SORCS1: variants seen among roughly 807,000 people sequenced by gnomAD.
The protein encoded by SORCS1 is VPS10 domain-containing receptor SorCS1.
SORCS1 carries 60 observed loss-of-function variants against 146.1 expected under a neutral mutation model. The observed-to-expected ratio is 0.41, with a 90% CI of 0.33 to 0.51. The LOEUF (loss-of-function observed/expected upper bound fraction) is 0.51, where lower values mean the gene tolerates loss of function less well. SORCS1 is among the 20% of genes least tolerant of loss of function. The pLI, the probability that SORCS1 is intolerant of heterozygous loss-of-function variation, is 0.21. For missense variants in SORCS1, 1,352 were observed against 1,487.6 expected (o/e 0.91, Z 1.50); for synonymous variants, 637 against 584.0 (o/e 1.09, Z -1.31).
At chr10:107,145,223 T>A (rs1968217281) in intron 1 of SORCS1, among the ~76,000 whole-genome samples, 1 of 152,212 alleles carries the variant, frequency 6.6e-6, no homozygotes, top group Non-Finnish European at 1.5e-5. Context: ...ATATTTGGCA[T>A]TTCCTGATGG....
intron 1 of SORCS1, among the ~76,000 whole-genome samples, chr10:107,066,425 C>T (rs913459462): frequency 2.6e-5 from 4 of 152,092 alleles, no homozygotes; most frequent in Admixed American, 2.6e-4. Flanking sequence ...GTTATGCAAG[C>T]CGAAAGGAAA....
intron 1 of SORCS1, among the ~76,000 whole-genome samples, chr10:107,137,825 G>T (rs1233081036): frequency 5.4e-5 from 8 of 148,412 alleles, no homozygotes; most frequent in Non-Finnish European, 8.9e-5. Context: ...TCATGCCATT[G>T]CACTCCAGCC....
chr10:106,635,847 G>A (rs892267591), intron 18 of SORCS1, among the ~76,000 whole-genome samples: 2 of 152,110 alleles, frequency 1.3e-5, no homozygotes, highest in East Asian at 3.9e-4. Context: ...GTGACAGAAA[G>A]GAAATCAGAT....
intron 2 of SORCS1, among the ~76,000 whole-genome samples, chr10:106,920,154 G>A (rs1172905952): frequency 6.6e-6 from 1 of 152,146 alleles, no homozygotes; most frequent in African/African-American, 2.4e-5. Context: ...TGACCCCAAT[G>A]AAGAGAAATG....
chr10:106,629,223 C>G lies in SORCS1; in HGVS notation c.2641G>C (p.Val881Leu). The G allele has an allele frequency of 6.2e-7, 1 of 1,613,842 alleles. No homozygotes were observed. The highest frequency in any genetic ancestry group is 8.5e-7 in the Non-Finnish European group (1 of 1,179,892). ...VDNSLGSDSAVLYLHVTCPLE... is the reference protein window; with the variant it reads ...VDNSLGSDSALLYLHVTCPLE... ...ATACAAGTTACATGTAAGTACAGGA[C>G]GGCGCTGTCAGAACCCAGACTGTTG... Residue 881 changes from valine to leucine, a missense_variant, in exon 19 of 26, where the codon GTC (valine) becomes CTC (leucine). Physicochemically the swap from Val to Leu is conservative, Grantham distance 32. Coordinates refer to ENST00000263054, the MANE Select transcript of SORCS1 (RefSeq NM_052918.5).
intron 5 of SORCS1, among the ~76,000 whole-genome samples, chr10:106,758,307 T>C (rs1858815253): frequency 6.6e-6 from 1 of 152,172 alleles, no homozygotes; most frequent in African/African-American, 2.4e-5. Flanking sequence ...ACTGTATATA[T>C]GTACCATTTA....
intron 2 of SORCS1, among the ~76,000 whole-genome samples, chr10:106,906,813 A>C (rs1049729600): frequency 6.6e-6 from 1 of 152,214 alleles, no homozygotes; most frequent in African/African-American, 2.4e-5. Context: ...TTCTGCTTGG[A>C]TTCCAAAGCA....
intron 5 of SORCS1, among the ~76,000 whole-genome samples, chr10:106,748,492 C>CT (rs976365133): frequency 6.6e-6 from 1 of 152,064 alleles, no homozygotes; most frequent in Non-Finnish European, 1.5e-5. Context: ...ATCTCTCTCC[C>CT]TCTCCTCAGG....
At chr10:106,680,592 T>C (rs533728350) in intron 10 of SORCS1, among the ~76,000 whole-genome samples, 31 of 151,852 alleles carry the variant, frequency 2.0e-4, no homozygotes, top group South Asian at 1.9e-3. Flanking sequence ...TGCAGAAACC[T>C]CATTCAAATT....
At chr10:106,891,937 T>A (rs1951253405) in intron 2 of SORCS1, among the ~76,000 whole-genome samples, 1 of 152,152 alleles carries the variant, frequency 6.6e-6, no homozygotes, top group African/African-American at 2.4e-5. Context: ...AGGTAAACCA[T>A]TCCTTCTTCT....
intron 1 of SORCS1, among the ~76,000 whole-genome samples, chr10:107,027,359 C>T (rs7086328): frequency 0.077 from 11,753 of 151,858 alleles, 1,483 homozygotes; most frequent in African/African-American, 0.26. Context: ...TGTCCCCATC[C>T]GAGCATCCAT....
At chr10:106,800,583 G>A (rs945213910) in intron 3 of SORCS1, among the ~76,000 whole-genome samples, 10 of 145,224 alleles carry the variant, frequency 6.9e-5, no homozygotes, top group East Asian at 2.1e-4. Flanking sequence ...GTGTAGTGGC[G>A]CGATCTCGGC....
intron 3 of SORCS1, among the ~76,000 whole-genome samples, chr10:106,814,367 A>C (rs1428588128): frequency 2.0e-5 from 3 of 152,232 alleles, no homozygotes; most frequent in African/African-American, 7.2e-5. Context: ...CACTAGTAAA[A>C]ACTAACCTTC....
At chr10:106,731,462 T>C (rs1856595771) in intron 5 of SORCS1, among the ~76,000 whole-genome samples, 1 of 152,152 alleles carries the variant, frequency 6.6e-6, no homozygotes, top group Admixed American at 6.5e-5. Context: ...CTCGCCCCTC[T>C]GTGAGTCTCT....
chr10:106,685,055 G>T (rs904223205), intron 10 of SORCS1, among the ~76,000 whole-genome samples: 1 of 152,176 alleles, frequency 6.6e-6, no homozygotes, highest in Non-Finnish European at 1.5e-5. Context: ...CCATACATCT[G>T]TGTCCCAATA....
intron 2 of SORCS1, among the ~76,000 whole-genome samples, chr10:106,841,554 A>C (rs1407421070): frequency 6.6e-6 from 1 of 152,218 alleles, no homozygotes; most frequent in Non-Finnish European, 1.5e-5. Context: ...TATAGTATAA[A>C]CATAACTTTT....
chr10:107,116,885 AT>A (rs1319765699), intron 1 of SORCS1, among the ~76,000 whole-genome samples: 1 of 152,202 alleles, frequency 6.6e-6, no homozygotes. Context: ...CTATCAACAG[AT>A]TTATTAAATG....
Position 106,709,357 on chromosome 10 carries a change from A to G in SORCS1, c.1025-16T>C. 1 of 1,548,498 alleles carries G rather than the reference A, an allele frequency of 6.5e-7. No homozygotes were observed. The highest frequency in any genetic ancestry group is 8.9e-7 in the Non-Finnish European group (1 of 1,120,934). The stretch of plus-strand genomic sequence containing the variant: ...TAATGTGAATCTGAAAAACAAAAAC[A>G]AAAACAAAAACATGGGGTTGAGGGG... On this transcript the variant is annotated splice_polypyrimidine_tract_variant and intron_variant, in intron 6 of 25. Transcript: ENST00000263054.
intron 1 of SORCS1, among the ~76,000 whole-genome samples, chr10:107,011,838 T>G (rs1384814861): frequency 6.6e-6 from 1 of 152,214 alleles, no homozygotes; most frequent in African/African-American, 2.4e-5. Context: ...ACCAGCTAAT[T>G]TGCCATACCT....
Sources: gnomAD v4.1 joint callset for allele counts (sites outside exome capture counted in the v4.1 genomes callset) on GRCh38, gnomAD v4.1.1 for gene constraint, MANE v1.5 for transcripts, NCBI Gene and HGNC (gene_info 2026-07-23, HGNC 2026-07-21) for gene names.